KCP: variants seen among roughly 807,000 people sequenced by gnomAD.
KCP encodes the protein kielin/chordin-like protein.
In KCP, 194 loss-of-function variants were observed where a neutral mutation model predicts 212.7. The observed-to-expected ratio is 0.91, with a 90% CI of 0.81 to 1.03. The LOEUF (loss-of-function observed/expected upper bound fraction) is 1.03, where lower values mean the gene tolerates loss of function less well. KCP is among the 50% of genes least tolerant of loss of function. The pLI, the probability that KCP is intolerant of heterozygous loss-of-function variation, is 0.00. For missense variants in KCP, 2,080 were observed against 2,162.5 expected (o/e 0.96, Z 0.76); for synonymous variants, 833 against 865.3 (o/e 0.96, Z 0.65).
chr7:128,882,700 A>C (rs1008172432), intron 29 of KCP, among the ~76,000 whole-genome samples: 1 of 152,154 alleles, frequency 6.6e-6, no homozygotes, highest in African/African-American at 2.4e-5. Context: ...TAATACCACA[A>C]ACTGTACACT....
At position 128,903,714 on chromosome 7, in the gene KCP, C is replaced by A; in HGVS notation, c.748+13G>T. The A allele has an allele frequency of 1.3e-6, 2 of 1,542,168 alleles. No homozygotes were observed. Among genetic ancestry groups the A allele is most frequent in the Non-Finnish European group, 1.8e-6 (2 of 1,142,454 alleles). ...ACCTGTGGCTCTACCAGGGAGGGGC[C>A]AGGGGCTCTCACCTTGGCAGGTTGG... On this transcript the variant is annotated intron_variant, in intron 7 of 39. Coordinates refer to ENST00000610776, the MANE Select transcript of KCP (RefSeq NM_001366122.1).
At chr7:128,891,136 C>T (rs1433516547) in intron 19 of KCP, 40 bp from the exon 20 acceptor site, 1 of 1,534,356 alleles carries the variant, frequency 6.5e-7, no homozygotes. Context: ...CAGGAACAGG[C>T]CTCCGAGGGG....
rs1392728850 is a variant in KCP at position 128,886,461 on chromosome 7, T to C, written c.2866+3A>G. On this transcript the variant is annotated splice_donor_region_variant and intron_variant, in intron 26 of 39. Coordinates refer to ENST00000610776, the MANE Select transcript of KCP (RefSeq NM_001366122.1). The stretch of plus-strand genomic sequence containing the variant: ...CAAGGGGTAGGGCTACAGGCGGCCA[T>C]ACCTCTGCAGCGAGGGCAGCAGCTC... 7 of 1,545,862 alleles carry C rather than the reference T, an allele frequency of 4.5e-6. No homozygotes were observed. The highest frequency in any genetic ancestry group is 2.5e-5 in the East Asian group (1 of 40,810).
At chr7:128,903,167 C>T in intron 7 of KCP, 1 of 444,446 alleles carries the variant, frequency 2.2e-6, no homozygotes, top group Non-Finnish European at 4.1e-6. Context: ...CACTCACCCT[C>T]CGTGTCAGGG....
At chr7:128,894,166 C>A (rs1272632567) in intron 9 of KCP, 34 bp downstream of exon 9, 1 of 1,510,898 alleles carries the variant, frequency 6.6e-7, no homozygotes, top group Non-Finnish European at 8.9e-7. Flanking sequence ...GGTTGCCCAC[C>A]ATGGTCAGGC....
intron 23 of KCP, 59 bp from the exon 24 acceptor site, chr7:128,887,025 G>A (rs989634801): frequency 6.5e-6 from 7 of 1,080,562 alleles, no homozygotes; most frequent in South Asian, 5.4e-5. Flanking sequence ...CAGGGCTGGA[G>A]CCCCTACTGA....
chr7:128,877,222 C>T lies in KCP; in HGVS notation c.4708G>A (p.Gly1570Arg). The change falls in exon 40 of 40, where the codon GGG (glycine) becomes AGG (arginine). Residue 1570 changes from glycine (G) to arginine (R), a missense_variant. Physicochemically the swap from Gly to Arg is moderately radical, Grantham distance 125. Coordinates refer to ENST00000610776, the MANE Select transcript of KCP (RefSeq NM_001366122.1). ...CTCACGCAGTGGGCTGCCAGCTCCC[C>T]CAGGGGGATATGCTGATTGAAGCAG... ...RTCFNQHIPL[G>R]ELAAHCVRPC... 2.7e-6 allele frequency: 4 copies of T among 1,479,898 alleles called. No individual in the cohort carries two copies. The highest frequency in any genetic ancestry group is 2.7e-6 in the Non-Finnish European group (3 of 1,115,864). The allele number at this position is 1,479,898 out of a possible 1,614,324, so 91.7% of individuals were successfully genotyped here.
At chr7:128,904,342 C>T in intron 5 of KCP, 2 of 1,551,882 alleles carry the variant, frequency 1.3e-6, no homozygotes, top group Admixed American at 2.0e-5. Context: ...AGCAGTTGAG[C>T]TCTGAACACG....
At chr7:128,884,188 ACTTC>A (rs1793504979) in intron 28 of KCP, 66 bp from the exon 29 acceptor site, 1 of 1,492,278 alleles carries the variant, frequency 6.7e-7, no homozygotes, top group African/African-American at 1.4e-5. Flanking sequence ...CTTGGCCGGG[ACTTC>A]CGGCCCCTCC....
At chr7:128,886,584 C>T (rs765251944) in intron 25 of KCP, 27 bp from the exon 26 acceptor site, 48 of 1,550,802 alleles carry the variant, frequency 3.1e-5, no homozygotes, top group Middle Eastern at 3.3e-4. Flanking sequence ...GACACTGGCT[C>T]GCTGCCTAGG....
chr7:128,881,494 G>T, intron 31 of KCP, 132 bp downstream of exon 31: 1 of 582,444 alleles, frequency 1.7e-6, no homozygotes, highest in Non-Finnish European at 2.8e-6. Context: ...TTCTAGAAAA[G>T]AATGAACCCT....
chr7:128,882,386 C>T (rs1019044371), intron 29 of KCP, among the ~76,000 whole-genome samples: 1 of 152,180 alleles, frequency 6.6e-6, no homozygotes, highest in African/African-American at 2.4e-5. Flanking sequence ...AGCCAGGCAT[C>T]CCGGGTTCGA....
intron 23 of KCP, 77 bp from the exon 24 acceptor site, chr7:128,887,043 G>C: frequency 9.7e-7 from 1 of 1,027,194 alleles, no homozygotes; most frequent in Admixed American, 2.1e-5. Flanking sequence ...TGAGCCTGCA[G>C]GGGCCCAAAC....
At chr7:128,903,086 T>G in intron 7 of KCP, 1 of 579,138 alleles carries the variant, frequency 1.7e-6, no homozygotes, top group East Asian at 2.9e-5. Context: ...GGACAGAGCA[T>G]AGCCACACCC....
Position 128,891,058 on chromosome 7 carries a change from C to T in KCP, c.2011G>A (p.Ala671Thr). The change falls in exon 20 of 40, where the codon GCC becomes ACC. Residue 671 changes from alanine (A) to threonine (T), a missense_variant. Coordinates refer to ENST00000610776, the MANE Select transcript of KCP (RefSeq NM_001366122.1). Reference sequence around the variant, plus strand: ...AAGTACTCCTGGTGGCGGGCGTGGGCCGCGCCGGGCCGTGGGCAGCCGGCG... The same window carrying T: ...AAGTACTCCTGGTGGCGGGCGTGGGTCGCGCCGGGCCGTGGGCAGCCGGCG... ...APAGCPRPGA[A>T]HARHQEYFSP... 2.2e-6 allele frequency: 3 copies of T among 1,393,796 alleles called. No individual in the cohort carries two copies. The highest frequency in any genetic ancestry group is 2.8e-6 in the Non-Finnish European group (3 of 1,081,264). 86.3% of individuals were successfully genotyped at this position (1,393,796 alleles called of 1,614,324 possible).
rs1395364730 is a variant in KCP at position 128,878,630 on chromosome 7, A to G, written c.4239T>C (p.Phe1413=). The change falls in exon 38 of 40, where the codon TTT becomes TTC. Residue 1413 remains phenylalanine, a synonymous_variant. Coordinates refer to ENST00000610776, the MANE Select transcript of KCP (RefSeq NM_001366122.1). ...TCGLCGNFNG[F]AQDDLQGPEG... Reference sequence around the variant, plus strand: ...CAGGGCCCTGCAGATCGTCCTGGGCAAAGCCATTGAAGTTCCCACAGAGCC... The same window carrying G: ...CAGGGCCCTGCAGATCGTCCTGGGCGAAGCCATTGAAGTTCCCACAGAGCC... 1 of 1,551,496 alleles carries G rather than the reference A, an allele frequency of 6.4e-7. No individual in the cohort carries two copies.
chr7:128,890,964 G>C lies in KCP; in HGVS notation c.2105C>G (p.Pro702Arg). Reference sequence around the variant, plus strand: ...GTGCGCGCAGGGCGCGGGCGGGCAGGGCAGCCGCTGGCAGGACACGGAGCC... The same window carrying C: ...GTGCGCGCAGGGCGCGGGCGGGCAGCGCAGCCGCTGGCAGGACACGGAGCC... ...LDGSVSCQRL[P>R]CPPAPCAHPR... is the part of the protein sequence containing the mutation. The change falls in exon 20 of 40, where the codon CCC (proline) becomes CGC (arginine). Residue 702 changes from proline (P) to arginine (R), a missense_variant. Transcript: ENST00000610776. The C allele has an allele frequency of 1.6e-6, 2 of 1,275,152 alleles. No individual in the cohort carries two copies. The highest frequency in any genetic ancestry group is 2.0e-6 in the Non-Finnish European group (2 of 1,016,424). 79.0% of individuals were successfully genotyped at this position (1,275,152 alleles called of 1,614,324 possible). A position where few individuals can be genotyped will look rare whatever the true frequency, so the allele number is the denominator to read the frequency against.
chr7:128,880,936 G>T, intron 32 of KCP, 61 bp downstream of exon 32: 1 of 398,998 alleles, frequency 2.5e-6, no homozygotes, highest in Non-Finnish European at 4.4e-6. Context: ...TGGAGTGTTG[G>T]ACACTCCTCC....
At chr7:128,905,901 T>C (rs1408191806) in intron 5 of KCP, among the ~76,000 whole-genome samples, 5 of 152,106 alleles carry the variant, frequency 3.3e-5, no homozygotes, top group Admixed American at 6.5e-5. Flanking sequence ...CTGCCCAGCC[T>C]CGACGGGCTT....
Sources: allele counts gnomAD v4.1 joint callset (sites outside exome capture counted in the v4.1 genomes callset), GRCh38; gene constraint gnomAD v4.1.1; transcripts MANE v1.5; gene names NCBI Gene and HGNC (gene_info 2026-07-23, HGNC 2026-07-21).